Variants in SRL observed in about 807,000 individuals in gnomAD.
SRL encodes the protein sarcalumenin.
Under a neutral mutation model 39.5 loss-of-function variants are expected in SRL, and 23 were observed. The ratio of observed to expected loss-of-function variants is 0.58; its 90% CI spans 0.42 to 0.82. The LOEUF (loss-of-function observed/expected upper bound fraction) is 0.82, where lower values mean the gene tolerates loss of function less well. Among genes scored for constraint, SRL ranks in the 40% least tolerant of loss-of-function variants. The pLI, the probability that SRL is intolerant of heterozygous loss-of-function variation, is 0.00. For missense variants in SRL, 592 were observed against 607.8 expected (o/e 0.97, Z 0.27); for synonymous variants, 272 against 237.4 (o/e 1.15, Z -1.34).
In SRL at chr16:4,190,340, C is replaced by T; in HGVS notation, c.*1813G>A. On this transcript the variant is annotated 3_prime_UTR_variant, in exon 6 of 6. Transcript: ENST00000399609. ...ACTGTCCTGGGTCCAGGATGACTTC[C>T]TGGTGCTGAGCTGGTGCATCCTGAC... The T allele has an allele frequency of 2.5e-6, 1 of 398,956 alleles. No individual in the cohort carries two copies. The highest frequency in any genetic ancestry group is 1.3e-4 in the South Asian group (1 of 7,868). 24.7% of individuals were successfully genotyped at this position (398,956 alleles called of 1,614,324 possible).
chr16:4,238,688 A>C (rs2141073866), intron 1 of SRL, among the ~76,000 whole-genome samples: 1 of 151,338 alleles, frequency 6.6e-6, no homozygotes, highest in Admixed American at 6.6e-5. Flanking sequence ...CAGTGATGCA[A>C]TCACAACTCA....
At chr16:4,211,228 A>C (rs558099249) in intron 1 of SRL, among the ~76,000 whole-genome samples, 31 of 151,970 alleles carry the variant, frequency 2.0e-4, no homozygotes, top group South Asian at 4.2e-4. Flanking sequence ...AAATCAAATA[A>C]TCTTGACCCC....
At chr16:4,208,250 G>T in intron 1 of SRL, 1 of 354,314 alleles carries the variant, frequency 2.8e-6, no homozygotes, top group Non-Finnish European at 5.5e-6. Context: ...GGGTCTTCAG[G>T]ACTACCTCGT....
intron 2 of SRL, among the ~76,000 whole-genome samples, chr16:4,203,943 T>TCAGATAACC (rs1313660309): frequency 6.6e-5 from 10 of 152,034 alleles, no homozygotes; most frequent in African/African-American, 2.4e-4. Context: ...AGGGGTGGGG[T>TCAGATAACC]CAGATAACCC....
chr16:4,203,398 A>G (rs1371435132), intron 2 of SRL, 137 bp from the exon 3 acceptor site: 1 of 665,264 alleles, frequency 1.5e-6, no homozygotes, highest in Non-Finnish European at 2.7e-6. Flanking sequence ...CAGCCCAGCG[A>G]CTGTGCAATG....
chr16:4,214,266 C>T (rs906745032), intron 1 of SRL, among the ~76,000 whole-genome samples: 1 of 152,234 alleles, frequency 6.6e-6, no homozygotes, highest in East Asian at 1.9e-4. Flanking sequence ...GTCTCCTTAG[C>T]ACATGTTTAT....
intron 1 of SRL, chr16:4,207,770 G>A (rs1299517373): frequency 2.2e-6 from 1 of 452,058 alleles, no homozygotes; most frequent in Admixed American, 2.4e-5. Flanking sequence ...CTCCTGGAGG[G>A]AGGGCGCTTG....
rs2052049512 is a variant in SRL, at chr16:4,190,655, A to G, written c.*1498T>C. ...AATCTCTCTTGGACAACATACACACATATTCACACTTATTGGTATTGAAGG... is the reference window on the plus strand; with the variant it reads ...AATCTCTCTTGGACAACATACACACGTATTCACACTTATTGGTATTGAAGG... On this transcript the variant is annotated 3_prime_UTR_variant, in exon 6 of 6. Transcript: ENST00000399609. 2 of 395,906 alleles carry G rather than the reference A, an allele frequency of 5.1e-6. No individual in the cohort carries two copies. The highest frequency in any genetic ancestry group is 1.4e-4 in the South Asian group (1 of 6,992). 24.5% of individuals were successfully genotyped at this position (395,906 alleles called of 1,614,324 possible).
rs959155676 is a variant in SRL, at chr16:4,191,926, C to T, written c.*227G>A. The T allele has an allele frequency of 2.1e-6, 1 of 475,518 alleles. No individual in the cohort carries two copies. The highest frequency in any genetic ancestry group is 2.0e-5 in the African/African-American group (1 of 50,758). The allele number at this position is 475,518 out of a possible 1,614,324, so 29.5% of individuals were successfully genotyped here. On this transcript the variant is annotated 3_prime_UTR_variant, in exon 6 of 6. Transcript: ENST00000399609. ...CAGGTGGAGGCTGACTTGCCTCAAT[C>T]AGGCCTCCTCATTGAAGCAACAAGA...
chr16:4,228,692 G>A (rs1043138691), intron 1 of SRL, among the ~76,000 whole-genome samples: 2 of 151,374 alleles, frequency 1.3e-5, no homozygotes, highest in Non-Finnish European at 2.9e-5. Flanking sequence ...CCAAGATCAT[G>A]CCACTGCACT....
chr16:4,220,993 C>A (rs559197080), intron 1 of SRL, among the ~76,000 whole-genome samples: 5 of 151,592 alleles, frequency 3.3e-5, no homozygotes, highest in East Asian at 2.0e-4. Context: ...TCAAAAAAAA[C>A]CCCACAAATA....
chr16:4,228,317 A>G (rs2052614838), intron 1 of SRL, among the ~76,000 whole-genome samples: 1 of 152,198 alleles, frequency 6.6e-6, no homozygotes, highest in South Asian at 2.1e-4. Context: ...CATGCCTGTA[A>G]TCCCAGCTAC....
rs180902168 is a variant in SRL at position 4,213,258 on chromosome 16, G to A, written c.62-8624C>T. 1.3e-4 allele frequency among the ~76,000 whole-genome samples: 20 copies of A among 152,148 alleles called. 1 individual carries two copies. Among genetic ancestry groups the A allele is most frequent in the Admixed American group, 5.2e-4 (8 of 15,278 alleles). ...GCCCCAGTGTCCACAGAGAAAGACT[G>A]CAGGGAGATTGGCAAGCCCTGCTCC... On this transcript the variant is annotated intron_variant, in intron 1 of 5. Transcript: ENST00000399609.
chr16:4,220,656 C>T (rs1002312596), intron 1 of SRL, among the ~76,000 whole-genome samples: 1 of 152,156 alleles, frequency 6.6e-6, no homozygotes, highest in Non-Finnish European at 1.5e-5. Flanking sequence ...CATCATTCAA[C>T]CCAACAGCAG....
Position 4,197,793 on chromosome 16 carries a change from G to A in SRL, c.376+6C>T. 1 of 1,552,630 alleles carries A rather than the reference G, an allele frequency of 6.4e-7. No individual in the cohort carries two copies. Among genetic ancestry groups the A allele is most frequent in the Non-Finnish European group, 8.9e-7 (1 of 1,124,246 alleles). ...ATCCCAACAATCACACAAGAATATT[G>A]ATTACCTGTATAGAGCTGATAGCGA... On this transcript the variant is annotated splice_donor_region_variant and intron_variant, in intron 4 of 5. Transcript: ENST00000399609.
chr16:4,236,589 C>T (rs1333023898), intron 1 of SRL, among the ~76,000 whole-genome samples: 1 of 152,040 alleles, frequency 6.6e-6, no homozygotes. Flanking sequence ...CCTGCCTAAC[C>T]CCTGCCACCT....
At chr16:4,228,220 C>CCT (rs200105798) in intron 1 of SRL, among the ~76,000 whole-genome samples, 65,076 of 151,720 alleles carry the variant, frequency 0.43, 15,518 homozygotes, top group Middle Eastern at 0.54. Context: ...AGGTGGATCA[C>CCT]GAGGTCAGGA....
At chr16:4,222,157 G>A (rs7204907) in intron 1 of SRL, among the ~76,000 whole-genome samples, 19,156 of 152,000 alleles carry the variant, frequency 0.13, 2,151 homozygotes, top group African/African-American at 0.3. Context: ...CTGGCCCCTC[G>A]CTAATCCCAG....
intron 1 of SRL, among the ~76,000 whole-genome samples, chr16:4,213,923 T>C (rs2052424513): frequency 6.6e-6 from 1 of 152,166 alleles, no homozygotes; most frequent in Non-Finnish European, 1.5e-5. Context: ...CACAAGTCAT[T>C]CCAGGGATGG....
Sources: gnomAD v4.1 joint callset for allele counts (sites outside exome capture counted in the v4.1 genomes callset) on GRCh38, gnomAD v4.1.1 for gene constraint, MANE v1.5 for transcripts, NCBI Gene and HGNC (gene_info 2026-07-23, HGNC 2026-07-21) for gene names.